The following CNTN5 variants were observed in gnomAD, a reference collection of about 807,000 sequenced individuals.
CNTN5 encodes contactin 5, also known as contactin-5.
In CNTN5, 77 loss-of-function variants were observed where a neutral mutation model predicts 129.1. The ratio of observed to expected loss-of-function variants is 0.60; its 90% confidence interval spans 0.50 to 0.72. CNTN5 has a LOEUF of 0.72. Among genes scored for constraint, CNTN5 ranks in the 30% least tolerant of loss-of-function variants. The pLI is 0.00. For missense variants in CNTN5, 1,478 were observed against 1,328.8 expected, an observed-to-expected ratio of 1.11 and a Z score of -1.75; for synonymous variants, 509 against 465.6, an observed-to-expected ratio of 1.09 and a Z score of -1.20.
chr11:99,673,532 T>A (rs1451362595), intron 3 of CNTN5, among the ~76,000 whole-genome samples: 1 of 152,122 alleles, frequency 6.6e-6, no homozygotes, highest in Non-Finnish European at 1.5e-5. Flanking sequence ...GCACAGATTC[T>A]TTCATCACCC....
chr11:100,031,743 T>C (rs1355138935), intron 9 of CNTN5, among the ~76,000 whole-genome samples: 3 of 152,244 alleles, frequency 2.0e-5, no homozygotes, highest in Admixed American at 6.5e-5. Context: ...ACATGTTATA[T>C]TGTAAATTCT....
At chr11:99,427,103 G>C (rs1030108885) in intron 2 of CNTN5, among the ~76,000 whole-genome samples, 1 of 152,142 alleles carries the variant, frequency 6.6e-6, no homozygotes, top group Admixed American at 6.6e-5. Flanking sequence ...GCTTTCCTCT[G>C]TTAGGGGTCC....
intron 7 of CNTN5, among the ~76,000 whole-genome samples, chr11:99,917,598 C>A (rs1295508737): frequency 6.6e-6 from 1 of 152,016 alleles, no homozygotes; most frequent in Non-Finnish European, 1.5e-5. Context: ...ACTAGACTGA[C>A]AGGAGTTAAC....
intron 9 of CNTN5, among the ~76,000 whole-genome samples, chr11:100,009,991 A>G (rs1016885833): frequency 1.3e-5 from 2 of 152,118 alleles, no homozygotes; most frequent in Admixed American, 6.6e-5. Flanking sequence ...TCAGCATTCA[A>G]TCTAGGGACC....
intron 1 of CNTN5, among the ~76,000 whole-genome samples, chr11:99,065,872 A>G (rs1374877703): frequency 1.3e-5 from 2 of 152,162 alleles, no homozygotes; most frequent in Admixed American, 1.3e-4. Flanking sequence ...TGTTTGGCAT[A>G]TTATTTTGAT....
intron 17 of CNTN5, among the ~76,000 whole-genome samples, chr11:100,257,447 A>C (rs750229749): frequency 6.6e-6 from 1 of 152,164 alleles, no homozygotes; most frequent in Non-Finnish European, 1.5e-5. Context: ...TAAGGGACAG[A>C]CTGCCTCCTC....
rs182115106 is a variant in CNTN5 at position 99,271,061 on chromosome 11, A to T, written c.-209-54285A>T. On this transcript the variant is annotated intron_variant, in intron 1 of 24. Coordinates refer to ENST00000524871, the MANE Select transcript of CNTN5 (RefSeq NM_014361.4). ...GAACATGATAAATATTTGCTAGATA[A>T]ATGAATGAATGAGTGTACAAACTGG... Among the ~76,000 whole-genome samples, 21 of 152,054 alleles carry T rather than the reference A, an allele frequency of 1.4e-4. No homozygotes were observed. In the East Asian group the frequency reaches 3.9e-3, roughly 28 times the overall value.
chr11:99,668,832 G>T (rs78776479), intron 3 of CNTN5, among the ~76,000 whole-genome samples: 9,022 of 152,158 alleles, frequency 0.059, 298 homozygotes, highest in African/African-American at 0.085. Flanking sequence ...TACTCGGGAA[G>T]TTGAGGAATA....
rs147451977 is a variant in CNTN5, at chr11:99,546,732, G to A, written c.-70-9413G>A. Among the ~76,000 whole-genome samples the A allele has an allele frequency of 1.8e-3, 278 of 152,044 alleles. 1 individual carries two copies. Among genetic ancestry groups the A allele is most frequent in the African/African-American group, 6.0e-3 (247 of 41,472 alleles). ...TTTCACTGACCTATGGATACTTTGC[G>A]GTCTGGCCTTCTATGATCCTCAGGC... On this transcript the variant is annotated intron_variant, in intron 2 of 24. Coordinates refer to ENST00000524871, the MANE Select transcript of CNTN5 (RefSeq NM_014361.4).
chr11:99,812,469 A>G lies in CNTN5; in HGVS notation c.56-7075A>G, dbSNP rs191452556. On this transcript the variant is annotated intron_variant, in intron 3 of 24. Transcript: ENST00000524871. ...CTAGATAATAATAACAAAAAATAAT[A>G]TAGAAAATGTATTGAGTTCTTACTA... Among the ~76,000 whole-genome samples, 205 of 152,266 alleles carry G rather than the reference A, an allele frequency of 1.3e-3. 1 individual carries two copies. Among genetic ancestry groups the G allele is most frequent in the African/African-American group, 4.7e-3 (194 of 41,570 alleles).
Position 99,689,444 on chromosome 11 carries a change from G to A in CNTN5, c.56-130100G>A, listed in dbSNP as rs556899659. ...TGGGAGGCTGAGGCAGGAGAATAGCGTGAACCCGGGAGGTGGAGCTTGCAG... is the reference window on the plus strand; with the variant it reads ...TGGGAGGCTGAGGCAGGAGAATAGCATGAACCCGGGAGGTGGAGCTTGCAG... On this transcript the variant is annotated intron_variant, in intron 3 of 24. Transcript: ENST00000524871. Among the ~76,000 whole-genome samples, 646 of 146,134 alleles carry A rather than the reference G, an allele frequency of 4.4e-3. 2 individuals carry two copies. The highest frequency in any genetic ancestry group is 0.015 in the African/African-American group (604 of 39,676).
chr11:99,946,574 A>T (rs186912432), intron 7 of CNTN5, among the ~76,000 whole-genome samples: 27 of 152,214 alleles, frequency 1.8e-4, no homozygotes, highest in Admixed American at 1.2e-3. Context: ...ATCCTAGAAA[A>T]CTACTGGGCA....
chr11:99,126,964 T>C (rs570246242), intron 1 of CNTN5, among the ~76,000 whole-genome samples: 1 of 152,288 alleles, frequency 6.6e-6, no homozygotes, highest in South Asian at 2.1e-4. Context: ...TGGTAGGAAG[T>C]GGCACTCTCA....
chr11:99,635,333 TC>T (rs1565372483), intron 3 of CNTN5, among the ~76,000 whole-genome samples: 1 of 152,184 alleles, frequency 6.6e-6, no homozygotes, highest in Non-Finnish European at 1.5e-5. Flanking sequence ...TCAGTTAAAT[TC>T]TTTGAGGCCC....
intron 2 of CNTN5, among the ~76,000 whole-genome samples, chr11:99,350,621 G>A (rs1404868591): frequency 6.6e-6 from 1 of 152,142 alleles, no homozygotes; most frequent in Non-Finnish European, 1.5e-5. Context: ...CTACTAAGCG[G>A]TAAGAAGGAA....
intron 3 of CNTN5, among the ~76,000 whole-genome samples, chr11:99,573,202 A>T (rs919154065): frequency 6.6e-6 from 1 of 151,818 alleles, no homozygotes; most frequent in Non-Finnish European, 1.5e-5. Flanking sequence ...AATGGACCTG[A>T]TTACATAATA....
At chr11:99,551,371 G>T (rs1159874385) in intron 2 of CNTN5, among the ~76,000 whole-genome samples, 1 of 152,136 alleles carries the variant, frequency 6.6e-6, no homozygotes, top group African/African-American at 2.4e-5. Context: ...AGTAAAGGTT[G>T]TCTGGTCTCT....
chr11:99,324,258 G>A (rs902115511), intron 1 of CNTN5, among the ~76,000 whole-genome samples: 2 of 152,128 alleles, frequency 1.3e-5, no homozygotes, highest in East Asian at 3.9e-4. Flanking sequence ...ACTCTTGGTA[G>A]TATTTTAACA....
At chr11:99,673,104 A>G (rs775464379) in intron 3 of CNTN5, among the ~76,000 whole-genome samples, 38 of 152,114 alleles carry the variant, frequency 2.5e-4, no homozygotes, top group Non-Finnish European at 4.9e-4. Context: ...TCCTCAGCTT[A>G]TAAGTTTAGC....
Sources: allele counts gnomAD v4.1 joint callset (sites outside exome capture counted in the v4.1 genomes callset), GRCh38; gene constraint gnomAD v4.1.1; transcripts MANE v1.5; gene names NCBI Gene and HGNC (gene_info 2026-07-23, HGNC 2026-07-21).